Variants in UTS2 observed in about 807,000 individuals in gnomAD.
UTS2 encodes urotensin-2.
Under a neutral mutation model 12.6 loss-of-function variants are expected in UTS2, and 10 were observed. The observed-to-expected ratio is 0.80, with a 90% CI of 0.49 to 1.35. The LOEUF is 1.35. Ranked by LOEUF, UTS2 falls within the 40% of genes most tolerant of loss-of-function variation. The probability of loss-of-function intolerance (pLI) is 0.00; values close to 1 mark genes in which losing one functional copy is unlikely to be tolerated. For synonymous variants in UTS2, 52 were observed against 50.0 expected, an observed-to-expected ratio of 1.04 and a Z score of -0.17; for missense variants, 142 against 143.2, an observed-to-expected ratio of 0.99 and a Z score of 0.04.
the UTS2 span, among the ~76,000 whole-genome samples, chr1:7,863,172 C>T: frequency 3.6e-4 from 55 of 151,528 alleles, 1 homozygote; most frequent in East Asian, 7.0e-3. Flanking sequence ...AGTCCAATGG[C>T]GCAATCTTGG....
the UTS2 span, among the ~76,000 whole-genome samples, chr1:7,889,493 G>A: frequency 7.2e-6 from 1 of 139,804 alleles, no homozygotes; most frequent in Non-Finnish European, 1.6e-5. Context: ...AGAAAAGAAA[G>A]TAGAATTCAA....
the UTS2 span, among the ~76,000 whole-genome samples, chr1:7,886,660 TTC>T: frequency 6.6e-6 from 1 of 152,202 alleles, no homozygotes; most frequent in African/African-American, 2.4e-5. Flanking sequence ...CTTTCAGTCT[TTC>T]TCTCACTTTC....
upstream of UTS2, among the ~76,000 whole-genome samples, chr1:7,857,100 A>AGAAGGAAGGAAGGAAGGAAGGAAGG (rs1553334045): frequency 1.6e-5 from 1 of 64,232 alleles, no homozygotes; most frequent in East Asian, 5.9e-4. Flanking sequence ...GGAAGGAAGA[A>AGAAGGAAGGAAGGAAGGAAGGAAGG]AAGGAATGAA....
chr1:7,898,218 T>A, the UTS2 span, among the ~76,000 whole-genome samples: 3 of 152,162 alleles, frequency 2.0e-5, no homozygotes, highest in African/African-American at 7.2e-5. Flanking sequence ...GTGGCGATTG[T>A]TTTGTCCAAA....
chr1:7,911,510 C>A, the UTS2 span, among the ~76,000 whole-genome samples: 5 of 152,168 alleles, frequency 3.3e-5, no homozygotes, highest in African/African-American at 1.2e-4. Flanking sequence ...TAAGGACCCT[C>A]TGCTACGAAA....
At chr1:7,905,896 A>C in the UTS2 span, among the ~76,000 whole-genome samples, 2 of 151,668 alleles carry the variant, frequency 1.3e-5, no homozygotes, top group African/African-American at 2.4e-5. Flanking sequence ...CGTAGTGATG[A>C]AGTGGGGCAG....
rs778966542 is a variant in UTS2 at position 7,853,039 on chromosome 1, C to T, written c.-36G>A. 3.8e-6 allele frequency: 6 copies of T among 1,594,228 alleles called. No homozygotes were observed. The highest frequency in any genetic ancestry group is 3.6e-5 in the Admixed American group (2 of 55,454). On this transcript the variant is annotated 5_prime_UTR_variant, in exon 1 of 4. Transcript: ENST00000361696. ...AGATAGACGGCTTCCTTCTTGGCTT[C>T]TGTTGTAGAGAACTTTCAACTGTCT...
the UTS2 span, among the ~76,000 whole-genome samples, chr1:7,875,052 T>A: frequency 1.4e-5 from 1 of 69,252 alleles, no homozygotes; most frequent in African/African-American, 8.5e-5. Context: ...TCTTTTTTTC[T>A]TTATTTTTTT....
chr1:7,851,053 C>T (rs1383986078), intron 1 of UTS2, 131 bp from the exon 2 acceptor site: 11 of 793,682 alleles, frequency 1.4e-5, no homozygotes, highest in Non-Finnish European at 1.8e-5. Context: ...GAGTTCATGA[C>T]GTGTCATCAG....
chr1:7,847,883 CTA>C lies in UTS2; in HGVS notation c.259-3_259-2del, dbSNP rs1491197430. On this transcript the variant is annotated splice_acceptor_variant and splice_polypyrimidine_tract_variant and intron_variant, in intron 3 of 3. Coordinates refer to ENST00000361696, the MANE Select transcript of UTS2 (RefSeq NM_006786.4). LOFTEE classifies it high-confidence loss of function. ...GATCTTGTCCAGAGAAATCCTGAAA[CTA>C]AAACAATCCAAACGAACAACAACAA... 6.3e-7 allele frequency: 1 copy of C among 1,591,992 alleles called. No homozygotes were observed. Among genetic ancestry groups the C allele is most frequent in the Non-Finnish European group, 8.6e-7 (1 of 1,166,608 alleles).
chr1:7,899,261 A>G, the UTS2 span, among the ~76,000 whole-genome samples: 1 of 152,298 alleles, frequency 6.6e-6, no homozygotes, highest in East Asian at 1.9e-4. Context: ...ACCATATCAG[A>G]GAGCAGTCAA....
chr1:7,894,698 A>G, the UTS2 span, among the ~76,000 whole-genome samples: 1 of 152,116 alleles, frequency 6.6e-6, no homozygotes, highest in Non-Finnish European at 1.5e-5. Flanking sequence ...AATAAAAAAT[A>G]TGGCCGGGCG....
At chr1:7,863,021 TTGTATTGTATTGTATTGTATTG>T in the UTS2 span, among the ~76,000 whole-genome samples, 36 of 23,892 alleles carry the variant, frequency 1.5e-3, no homozygotes, top group Admixed American at 5.5e-3. Flanking sequence ...TTGTATTGTA[TTGTATTGTATTGTATTGTATTG>T]TATTGTATTG....
At chr1:7,876,667 GA>G in the UTS2 span, among the ~76,000 whole-genome samples, 2 of 151,766 alleles carry the variant, frequency 1.3e-5, no homozygotes, top group African/African-American at 2.4e-5. Flanking sequence ...CACTGGTGCT[GA>G]AAAAAAATCA....
At chr1:7,907,171 G>C in the UTS2 span, among the ~76,000 whole-genome samples, 1 of 152,078 alleles carries the variant, frequency 6.6e-6, no homozygotes, top group East Asian at 1.9e-4. Context: ...CGAGAGAATT[G>C]CTTGAACCTG....
chr1:7,906,491 G>GAAAGAAAGAAAGAAAGAAAGAA, the UTS2 span, among the ~76,000 whole-genome samples: 8 of 123,418 alleles, frequency 6.5e-5, no homozygotes, highest in African/African-American at 2.4e-4. Flanking sequence ...AAGAAAGAAA[G>GAAAGAAAGAAAGAAAGAAAGAA]AAAGAAAGAA....
the UTS2 span, among the ~76,000 whole-genome samples, chr1:7,905,424 C>G: frequency 0.014 from 2 of 138 alleles, no homozygotes; most frequent in Non-Finnish European, 0.03. Context: ...GGATTATAGG[C>G]GTGACGCCGT....
chr1:7,856,932 G>A (rs1218960341), upstream of UTS2, among the ~76,000 whole-genome samples: 2 of 151,940 alleles, frequency 1.3e-5, no homozygotes, highest in Admixed American at 1.3e-4. Context: ...GTAGTGGTGG[G>A]CGCCTATGAT....
At chr1:7,895,645 G>C in the UTS2 span, among the ~76,000 whole-genome samples, 1 of 152,118 alleles carries the variant, frequency 6.6e-6, no homozygotes, top group Non-Finnish European at 1.5e-5. Context: ...TTCAAAATAA[G>C]AGCCAAACAA....
Sources: gnomAD v4.1 joint callset for allele counts (sites outside exome capture counted in the v4.1 genomes callset) on GRCh38, gnomAD v4.1.1 for gene constraint, MANE v1.5 for transcripts, NCBI Gene and HGNC (gene_info 2026-07-23, HGNC 2026-07-21) for gene names.